The following SYT5 variants were observed in gnomAD, a reference collection of about 807,000 sequenced individuals.
SYT5 encodes synaptotagmin-5.
In SYT5, 29 loss-of-function variants were observed where a neutral mutation model predicts 36.0. That is an observed-to-expected ratio of 0.81 (90% CI 0.60 to 1.10). The LOEUF is 1.10. Ranked by LOEUF, SYT5 falls within the 50% of genes least tolerant of loss-of-function variation. SYT5 has a pLI of 0.00. For missense variants in SYT5, 512 were observed against 516.0 expected (o/e 0.99, Z 0.08); for synonymous variants, 231 against 227.6 (o/e 1.02, Z -0.14).
At position 55,173,512 on chromosome 19, in the gene SYT5, T is replaced by C. The variant is rs1266398283; in HGVS notation, c.1133A>G (p.Asp378Gly). The C allele has an allele frequency of 2.2e-6, 3 of 1,394,550 alleles. No homozygotes were observed. The highest frequency in any genetic ancestry group is 2.8e-6 in the Non-Finnish European group (3 of 1,074,088). 86.4% of individuals were successfully genotyped at this position (1,394,550 alleles called of 1,614,324 possible). A position where few individuals can be genotyped will look rare whatever the true frequency, so the allele number is the denominator to read the frequency against. ...GGGCGCAGGCAGCAGCCTCACTCGGTCCGGGGGCCGCAGCGAGTGCCACTG... is the reference window on the plus strand; with the variant it reads ...GGGCGCAGGCAGCAGCCTCACTCGGCCCGGGGGCCGCAGCGAGTGCCACTG... ...IAQWHSLRPP[D>G]RVRLLPAP The change falls in exon 9 of 9, where the codon GAC becomes GGC. Residue 378 changes from aspartate to glycine, a missense_variant. By Grantham distance (94) the Asp-to-Gly change is moderately conservative (BLOSUM62 -1). Coordinates refer to ENST00000354308, the MANE Select transcript of SYT5 (RefSeq NM_003180.3). The surrounding 1 kb of genome is among the most constrained non-coding windows in gnomAD (Gnocchi z 5.4).
chr19:55,176,041 C>G lies in SYT5; in HGVS notation c.336G>C (p.Leu112=), dbSNP rs971878283. 1.2e-6 allele frequency: 2 copies of G among 1,614,052 alleles called. No homozygotes were observed. Among genetic ancestry groups the G allele is most frequent in the Non-Finnish European group, 1.7e-6 (2 of 1,180,044 alleles). ...QVADKHELGR[L]QYSLDYDFQS... The stretch of plus-strand genomic sequence containing the variant: ...GGAAGTCATAATCCAGGGAGTACTG[C>G]AGTCGTCCTAGCTCATGCTTGTCTG... Residue 112 remains leucine (L), a synonymous_variant, in exon 4 of 9, where the codon CTG becomes CTC. Transcript: ENST00000354308.
rs904138253 is a variant in SYT5, at chr19:55,171,439, C to T, written c.*2045G>A. 1.3e-5 allele frequency: 2 copies of T among 151,446 alleles called. No individual in the cohort carries two copies. Among genetic ancestry groups the T allele is most frequent in the Non-Finnish European group, 2.9e-5 (2 of 67,928 alleles). The allele number at this position is 151,446 out of a possible 1,614,324, so 9.4% of individuals were successfully genotyped here. A position where few individuals can be genotyped will look rare whatever the true frequency, so the allele number is the denominator to read the frequency against. The stretch of plus-strand genomic sequence containing the variant: ...GTGTAGCTGTTCTATTTTCACTTTC[C>T]CGATTGGCTACCAGGAAGCTTAGGA... On this transcript the variant is annotated 3_prime_UTR_variant, in exon 9 of 9. Coordinates refer to ENST00000354308, the MANE Select transcript of SYT5 (RefSeq NM_003180.3).
Position 55,175,473 on chromosome 19 carries a change from G to C in SYT5, c.541-134C>G. 8.7e-7 allele frequency: 1 copy of C among 1,151,276 alleles called. No homozygotes were observed. Among genetic ancestry groups the C allele is most frequent in the African/African-American group, 1.6e-5 (1 of 64,270 alleles). The allele number at this position is 1,151,276 out of a possible 1,614,324, so 71.3% of individuals were successfully genotyped here. A position where few individuals can be genotyped will look rare whatever the true frequency, so the allele number is the denominator to read the frequency against. On this transcript the variant is annotated intron_variant, in intron 5 of 8. Transcript: ENST00000354308. The surrounding 1 kb of genome is among the most constrained non-coding windows in gnomAD (Gnocchi z 4.5). ...CAGTTGGGGGAACTCAAATGGGAAAGTCCAGGGATCCATGCGGAAAAAAAT... is the reference window on the plus strand; with the variant it reads ...CAGTTGGGGGAACTCAAATGGGAAACTCCAGGGATCCATGCGGAAAAAAAT...
Position 55,173,633 on chromosome 19 carries a change from C to T in SYT5, c.1012G>A (p.Glu338Lys), listed in dbSNP as rs2086030659. ...CCCACGGCCACCCTCCCGATGGCCT[C>T]GTTCTTGCCCAGCTTGTCGTAGTCC... is the stretch of plus-strand genomic sequence containing the variant. The part of the protein sequence containing the change: ...VLDYDKLGKN[E>K]AIGRVAVGAA... Residue 338 changes from glutamate to lysine, a missense_variant, in exon 9 of 9, where the codon GAG becomes AAG. By Grantham distance (56) the Glu-to-Lys change is moderately conservative (BLOSUM62 1). Transcript: ENST00000354308. The surrounding 1 kb of genome is among the most constrained non-coding windows in gnomAD (Gnocchi z 5.4). 4 of 1,490,270 alleles carry T rather than the reference C, an allele frequency of 2.7e-6. No homozygotes were observed. Among genetic ancestry groups the T allele is most frequent in the Non-Finnish European group, 3.6e-6 (4 of 1,121,146 alleles). The allele number at this position is 1,490,270 out of a possible 1,614,324, so 92.3% of individuals were successfully genotyped here.
chr19:55,175,363 G>A lies in SYT5; in HGVS notation c.541-24C>T, dbSNP rs1599943757. 2 of 1,510,148 alleles carry A rather than the reference G, an allele frequency of 1.3e-6. No individual in the cohort carries two copies. The highest frequency in any genetic ancestry group is 1.3e-5 in the South Asian group (1 of 74,854). The allele number at this position is 1,510,148 out of a possible 1,614,324, so 93.5% of individuals were successfully genotyped here. A position where few individuals can be genotyped will look rare whatever the true frequency, so the allele number is the denominator to read the frequency against. ...ACCTGGAGTGCACAGAGAATCCGCAGTAGAGAGCAGGAAGTCAGAGATAGG... is the reference window on the plus strand; with the variant it reads ...ACCTGGAGTGCACAGAGAATCCGCAATAGAGAGCAGGAAGTCAGAGATAGG... On this transcript the variant is annotated intron_variant, in intron 5 of 8. Transcript: ENST00000354308. This position sits in a 1 kb window ranked among gnomAD's most constrained non-coding sequence, Gnocchi z 4.5.
In SYT5 at chr19:55,175,202, C is replaced by T. The variant is rs1342227865; in HGVS notation, c.678G>A (p.Trp226Ter). 1.2e-6 allele frequency: 2 copies of T among 1,608,864 alleles called. No individual in the cohort carries two copies. The highest frequency in any genetic ancestry group is 1.3e-5 in the African/African-American group (1 of 74,808). ...CCCGCGGAGCCGCCTGCAGCTCCCG[C>T]CAGGCCTGCACTGGCCGCCCCAGGT... ...SVDLGRPVQA[W>*]RELQAAPREE... The change falls in exon 6 of 9, where the codon TGG becomes TGA. Residue 226 changes from tryptophan to a stop codon, truncating the protein, a stop_gained. Coordinates refer to ENST00000354308, the MANE Select transcript of SYT5 (RefSeq NM_003180.3). LOFTEE classifies it high-confidence loss of function. The surrounding 1 kb of genome is among the most constrained non-coding windows in gnomAD (Gnocchi z 4.5).
Position 55,175,173 on chromosome 19 carries a change from T to C in SYT5, c.707A>G (p.Glu236Gly), listed in dbSNP as rs541387700. Reference protein sequence around the residue: ...WRELQAAPREEQEKLGDICFS... With the variant: ...WRELQAAPREGQEKLGDICFS... ...CGGGGCGCGACCGCGCATGCTCACC[T>C]CCTCCCGCGGAGCCGCCTGCAGCTC... Residue 236 changes from glutamate to glycine, a missense_variant and splice_region_variant, in exon 6 of 9, where the codon GAG (glutamate) becomes GGG (glycine). Physicochemically the swap from Glu to Gly is moderately conservative, Grantham distance 98. Coordinates refer to ENST00000354308, the MANE Select transcript of SYT5 (RefSeq NM_003180.3). This position sits in a 1 kb window ranked among gnomAD's most constrained non-coding sequence, Gnocchi z 4.5. The C allele has an allele frequency of 2.4e-5, 38 of 1,595,916 alleles. No individual in the cohort carries two copies. The South Asian group carries it at 3.8e-4, about 16-fold the overall frequency.
rs2086099693 is a variant in SYT5, at chr19:55,178,265, C to G, written c.183G>C (p.Lys61Asn). 2 of 1,610,322 alleles carry G rather than the reference C, an allele frequency of 1.2e-6. No homozygotes were observed. The highest frequency in any genetic ancestry group is 1.7e-6 in the Non-Finnish European group (2 of 1,178,670). ...YRKSCRRRTG[K>N]KSQAQAQVHL... ...GGACCTGGGCTTGGGCCTGGCTCTT[C>G]TTGCCTGTCCGCCTCCGACAGCTCT... Residue 61 changes from lysine (K) to asparagine (N), a missense_variant, in exon 3 of 9, where the codon AAG (lysine) becomes AAC (asparagine). Coordinates refer to ENST00000354308, the MANE Select transcript of SYT5 (RefSeq NM_003180.3).
At position 55,173,581 on chromosome 19, in the gene SYT5, C is replaced by A; in HGVS notation, c.1064G>T (p.Arg355Leu). The A allele has an allele frequency of 6.8e-7, 1 of 1,475,996 alleles. No individual in the cohort carries two copies. The allele number at this position is 1,475,996 out of a possible 1,614,324, so 91.4% of individuals were successfully genotyped here. A position where few individuals can be genotyped will look rare whatever the true frequency, so the allele number is the denominator to read the frequency against. ...GTTGGCCAGCATGTCCGCCCAGTGC[C>A]GCAGGCCAGCCCCGCCGGCGGCCGC... ...VGAAAGGAGL[R>L]HWADMLANPR... Residue 355 changes from arginine to leucine, a missense_variant, in exon 9 of 9, where the codon CGG becomes CTG. Arg to Leu is a moderately radical substitution (Grantham distance 102, BLOSUM62 -2). Transcript: ENST00000354308. This position sits in a 1 kb window ranked among gnomAD's most constrained non-coding sequence, Gnocchi z 5.4.
In SYT5 at chr19:55,173,470, G is replaced by C; in HGVS notation, c.*14C>G. On this transcript the variant is annotated 3_prime_UTR_variant, in exon 9 of 9. Coordinates refer to ENST00000354308, the MANE Select transcript of SYT5 (RefSeq NM_003180.3). This position sits in a 1 kb window ranked among gnomAD's most constrained non-coding sequence, Gnocchi z 5.4. ...GGCTAGAGTCCAGGCTTGGCCGGGG[G>C]CTTGGGGTGGGAGTCAGGGCGCAGG... is the stretch of plus-strand genomic sequence containing the variant. The C allele has an allele frequency of 7.4e-7, 1 of 1,352,500 alleles. No homozygotes were observed. Among genetic ancestry groups the C allele is most frequent in the Non-Finnish European group, 9.5e-7 (1 of 1,053,394 alleles). The allele number at this position is 1,352,500 out of a possible 1,614,324, so 83.8% of individuals were successfully genotyped here. A position where few individuals can be genotyped will look rare whatever the true frequency, so the allele number is the denominator to read the frequency against.
Position 55,179,512 on chromosome 19 carries a change from G to C in SYT5, c.-45-426C>G. On this transcript the variant is annotated intron_variant, in intron 1 of 8. Coordinates refer to ENST00000354308, the MANE Select transcript of SYT5 (RefSeq NM_003180.3). The surrounding 1 kb of genome is among the most constrained non-coding windows in gnomAD (Gnocchi z 4.5). ...TGACGCACAGACGCGGAGTCCCGGC[G>C]GGGCAGGCTCGCTCCGGGGCCCACC... 7.2e-6 allele frequency: 2 copies of C among 278,306 alleles called. No individual in the cohort carries two copies. Among genetic ancestry groups the C allele is most frequent in the Non-Finnish European group, 1.3e-5 (2 of 149,554 alleles). The allele number at this position is 278,306 out of a possible 1,614,324, so 17.2% of individuals were successfully genotyped here.
At position 55,178,359 on chromosome 19, in the gene SYT5, C is replaced by T. The variant is rs765467744; in HGVS notation, c.89G>A (p.Trp30Ter). The stretch of plus-strand genomic sequence containing the variant: ...GACCAGCACGATGGTGGCCAGGGCC[C>T]AGGGGGGCACTGCAGAGGGGTGGAG... ...SRISHGPVPPWALATIVLVSG... is the reference protein window; with the variant it reads ...SRISHGPVPP The change falls in exon 3 of 9, where the codon TGG becomes TAG. Residue 30 changes from tryptophan (W) to a stop codon, truncating the protein, a stop_gained. Transcript: ENST00000354308. LOFTEE classifies it high-confidence loss of function. 3 of 1,610,474 alleles carry T rather than the reference C, an allele frequency of 1.9e-6. No homozygotes were observed. Among genetic ancestry groups the T allele is most frequent in the South Asian group, 2.2e-5 (2 of 89,924 alleles).
At position 55,179,242 on chromosome 19, in the gene SYT5, A is replaced by AG. The variant is rs2086117291; in HGVS notation, c.-45-157dup. ...TAGTATCAGCCTCCCCGCACTTGAG[A>AG]GGGGGTGTCCAGGACCTAGTTCCAT... On this transcript the variant is annotated intron_variant, in intron 1 of 8. Coordinates refer to ENST00000354308, the MANE Select transcript of SYT5 (RefSeq NM_003180.3). The surrounding 1 kb of genome is among the most constrained non-coding windows in gnomAD (Gnocchi z 4.5). 1.3e-6 allele frequency: 2 copies of AG among 1,489,152 alleles called. No individual in the cohort carries two copies. The highest frequency in any genetic ancestry group is 1.3e-5 in the South Asian group (1 of 76,166). The allele number at this position is 1,489,152 out of a possible 1,614,324, so 92.2% of individuals were successfully genotyped here. A position where few individuals can be genotyped will look rare whatever the true frequency, so the allele number is the denominator to read the frequency against.
At position 55,175,921 on chromosome 19, in the gene SYT5, T is replaced by G. The variant is rs578069365; in HGVS notation, c.373-45A>C. On this transcript the variant is annotated intron_variant, in intron 4 of 8. Coordinates refer to ENST00000354308, the MANE Select transcript of SYT5 (RefSeq NM_003180.3). The surrounding 1 kb of genome is among the most constrained non-coding windows in gnomAD (Gnocchi z 4.5). The stretch of plus-strand genomic sequence containing the variant: ...TGGGGGAGGTGGGGAACACTAGTCT[T>G]AGCCTCCCTTCCATGGCTCCTTTCA... 3.9e-5 allele frequency: 63 copies of G among 1,613,330 alleles called. 1 individual carries two copies. In the South Asian group the frequency reaches 6.5e-4, roughly 17 times the overall value.
Position 55,173,715 on chromosome 19 carries a change from G to A in SYT5, c.961-31C>T. ...GTGGGCGCGGGAGGAAGAGGAGAGAGGAGCGTGAGGGGAGGAGGCCCCGGA... is the reference window on the plus strand; with the variant it reads ...GTGGGCGCGGGAGGAAGAGGAGAGAAGAGCGTGAGGGGAGGAGGCCCCGGA... On this transcript the variant is annotated intron_variant, in intron 8 of 8. Coordinates refer to ENST00000354308, the MANE Select transcript of SYT5 (RefSeq NM_003180.3). The surrounding 1 kb of genome is among the most constrained non-coding windows in gnomAD (Gnocchi z 5.4). 2 of 1,339,454 alleles carry A rather than the reference G, an allele frequency of 1.5e-6. No individual in the cohort carries two copies. Among genetic ancestry groups the A allele is most frequent in the Non-Finnish European group, 1.9e-6 (2 of 1,038,014 alleles). The allele number at this position is 1,339,454 out of a possible 1,614,324, so 83.0% of individuals were successfully genotyped here. A position where few individuals can be genotyped will look rare whatever the true frequency, so the allele number is the denominator to read the frequency against.
chr19:55,174,721 T>C (rs2086051364), intron 7 of SYT5, 71 bp from the exon 8 acceptor site: 1 of 1,607,134 alleles, frequency 6.2e-7, no homozygotes, highest in Non-Finnish European at 8.5e-7. Context: ...AAACACTGCC[T>C]ACACCCTTCG....
At position 55,174,925 on chromosome 19, in the gene SYT5, C is replaced by T. The variant is rs145438894; in HGVS notation, c.783G>A (p.Leu261=). The stretch of plus-strand genomic sequence containing the variant: ...CCATCTTCTTCAGGTTTTTAGCCTC[C>T]AGGACGATGACGGTGAGCTTCCCGG... The part of the protein sequence containing the change: ...PTAGKLTVIV[L]EAKNLKKMDV... Residue 261 remains leucine (L), a synonymous_variant, in exon 7 of 9, where the codon CTG becomes CTA. Transcript: ENST00000354308. 49 of 1,614,180 alleles carry T rather than the reference C, an allele frequency of 3.0e-5. No individual in the cohort carries two copies. The African/African-American group carries it at 6.1e-4, about 20-fold the overall frequency.
intron 3 of SYT5, 134 bp downstream of exon 3, chr19:55,178,062 A>T: frequency 9.8e-7 from 1 of 1,018,736 alleles, no homozygotes; most frequent in Non-Finnish European, 1.4e-6. Context: ...GTTGAGGGCT[A>T]GACACACAGG....
rs1032203780 is a variant in SYT5 at position 55,172,732 on chromosome 19, A to G, written c.*752T>C. 6.6e-6 allele frequency: 1 copy of G among 152,056 alleles called. No homozygotes were observed. Among genetic ancestry groups the G allele is most frequent in the African/African-American group, 2.4e-5 (1 of 41,378 alleles). The allele number at this position is 152,056 out of a possible 1,614,324, so 9.4% of individuals were successfully genotyped here. ...TCAGGGAATATGGAATGGAAGGAAG[A>G]AAAAAAAGAGAGGGAGGGAGGGATG... is the stretch of plus-strand genomic sequence containing the variant. On this transcript the variant is annotated 3_prime_UTR_variant, in exon 9 of 9. Coordinates refer to ENST00000354308, the MANE Select transcript of SYT5 (RefSeq NM_003180.3).
Sources: gnomAD v4.1 joint callset for allele counts on GRCh38, gnomAD v4.1.1 for gene constraint, Gnocchi (gnomAD v3.1) non-coding constraint, MANE v1.5 for transcripts, NCBI Gene and HGNC (gene_info 2026-07-23, HGNC 2026-07-21) for gene names.